The following TMEM117 variants were observed in gnomAD, a reference collection of about 807,000 sequenced individuals.
TMEM117 encodes transmembrane protein 117.
Under a neutral mutation model 52.4 loss-of-function variants are expected in TMEM117, and 27 were observed. The ratio of observed to expected loss-of-function variants is 0.51; its 90% CI spans 0.38 to 0.71. TMEM117 has a LOEUF of 0.71. Among genes scored for constraint, TMEM117 ranks in the 30% least tolerant of loss-of-function variants. The probability of loss-of-function intolerance (pLI) is 0.00; values close to 1 mark genes in which losing one functional copy is unlikely to be tolerated. For missense variants in TMEM117, 556 were observed against 630.5 expected (o/e 0.88, Z 1.26); for synonymous variants, 215 against 206.3 (o/e 1.04, Z -0.36).
intron 1 of TMEM117, among the ~76,000 whole-genome samples, chr12:43,837,553 G>A (rs1403183684): frequency 6.6e-6 from 1 of 152,060 alleles, no homozygotes; most frequent in Non-Finnish European, 1.5e-5. Flanking sequence ...CACCATGTTG[G>A]TCAGGCTGGT....
chr12:43,795,994 T>C, the TMEM117 span, among the ~76,000 whole-genome samples: 2 of 152,298 alleles, frequency 1.3e-5, no homozygotes, highest in African/African-American at 2.4e-5. Context: ...TTAAATAATG[T>C]TTAAAAGTAG....
At chr12:43,922,225 G>A (rs913143713) in intron 2 of TMEM117, among the ~76,000 whole-genome samples, 1 of 151,936 alleles carries the variant, frequency 6.6e-6, no homozygotes, top group African/African-American at 2.4e-5. Context: ...GGTATTAGAA[G>A]GCAATACGCG....
At chr12:44,214,899 C>T (rs1054023074) in intron 5 of TMEM117, among the ~76,000 whole-genome samples, 3 of 152,018 alleles carry the variant, frequency 2.0e-5, no homozygotes, top group Admixed American at 1.3e-4. Context: ...TCATACTTTT[C>T]GCATAAAAGG....
chr12:44,225,144 T>C (rs1040141568), intron 5 of TMEM117, among the ~76,000 whole-genome samples: 5 of 152,160 alleles, frequency 3.3e-5, no homozygotes, highest in Non-Finnish European at 5.9e-5. Flanking sequence ...ACAAAGACTA[T>C]ATGTCAAAGA....
chr12:43,839,540 T>C (rs752979868), intron 1 of TMEM117, among the ~76,000 whole-genome samples: 7 of 152,210 alleles, frequency 4.6e-5, no homozygotes, highest in Non-Finnish European at 7.3e-5. Flanking sequence ...TCTCCCTTCT[T>C]TCATGCCTGT....
At chr12:44,054,348 C>T (rs1049470762) in intron 3 of TMEM117, among the ~76,000 whole-genome samples, 6 of 152,152 alleles carry the variant, frequency 3.9e-5, no homozygotes, top group South Asian at 2.1e-4. Flanking sequence ...ACCTTGGGGT[C>T]GTATTGAGAC....
At chr12:43,873,953 T>C (rs944188560) in intron 2 of TMEM117, among the ~76,000 whole-genome samples, 6 of 152,158 alleles carry the variant, frequency 3.9e-5, no homozygotes, top group Non-Finnish European at 7.4e-5. Flanking sequence ...GCCAGTGAGT[T>C]ATAATTATTT....
intron 2 of TMEM117, among the ~76,000 whole-genome samples, chr12:43,884,615 T>TCTAC (rs1248343081): frequency 3.9e-5 from 6 of 152,206 alleles, no homozygotes; most frequent in African/African-American, 1.4e-4. Flanking sequence ...AGCAACTGTC[T>TCTAC]CTACCATCTT....
intron 6 of TMEM117, among the ~76,000 whole-genome samples, chr12:44,300,641 T>G: frequency 6.6e-6 from 1 of 151,120 alleles, no homozygotes; most frequent in South Asian, 2.1e-4. Context: ...TATTTATTGA[T>G]TTTTTTTAAA....
chr12:44,169,638 A>C (rs185258161), intron 4 of TMEM117, among the ~76,000 whole-genome samples: 1 of 152,184 alleles, frequency 6.6e-6, no homozygotes, highest in Non-Finnish European at 1.5e-5. Context: ...CTTCCATTCC[A>C]TGGTTGCCTT....
chr12:43,873,604 T>TA (rs1223466505), intron 2 of TMEM117, among the ~76,000 whole-genome samples: 1 of 152,102 alleles, frequency 6.6e-6, no homozygotes, highest in East Asian at 1.9e-4. Flanking sequence ...TTTATGTCAT[T>TA]AAAAAAAGAA....
chr12:44,020,491 C>T (rs1946439702), intron 3 of TMEM117, among the ~76,000 whole-genome samples: 1 of 152,192 alleles, frequency 6.6e-6, no homozygotes, highest in Admixed American at 6.6e-5. Context: ...TTTTGTGTCC[C>T]TGGGACATCA....
At chr12:44,155,000 A>G (rs1006992238) in intron 4 of TMEM117, among the ~76,000 whole-genome samples, 1 of 152,094 alleles carries the variant, frequency 6.6e-6, no homozygotes, top group Non-Finnish European at 1.5e-5. Context: ...GCTTATACAA[A>G]TAAATGAGGA....
At chr12:43,866,541 C>G (rs1256904265) in intron 2 of TMEM117, among the ~76,000 whole-genome samples, 1 of 152,102 alleles carries the variant, frequency 6.6e-6, no homozygotes, top group African/African-American at 2.4e-5. Context: ...CATCACTGCA[C>G]TCCAGCCTGG....
At chr12:43,797,985 C>T in the TMEM117 span, 1 of 766,772 alleles carries the variant, frequency 1.3e-6, no homozygotes, top group Non-Finnish European at 2.0e-6. Flanking sequence ...GTCCTGCTAG[C>T]ATTTTGTCAA....
chr12:43,806,496 C>T, the TMEM117 span: 2 of 678,132 alleles, frequency 2.9e-6, no homozygotes, highest in Non-Finnish European at 3.8e-6. Flanking sequence ...TGCTTCTGCT[C>T]TTGCCGCCGC....
intron 3 of TMEM117, among the ~76,000 whole-genome samples, chr12:44,041,816 C>G (rs551829473): frequency 1.3e-5 from 2 of 152,208 alleles, no homozygotes; most frequent in South Asian, 2.1e-4. Flanking sequence ...TTGGTTAATA[C>G]AAATCAATAA....
intron 3 of TMEM117, among the ~76,000 whole-genome samples, chr12:44,130,016 T>C (rs970483666): frequency 2.0e-5 from 3 of 152,182 alleles, no homozygotes; most frequent in African/African-American, 7.2e-5. Context: ...TCTACTTCCT[T>C]TTGTGGCACC....
intron 2 of TMEM117, among the ~76,000 whole-genome samples, chr12:43,866,055 A>G (rs568289390): frequency 6.6e-6 from 1 of 151,984 alleles, no homozygotes; most frequent in Admixed American, 6.5e-5. Context: ...AAGACTTTAT[A>G]ACAGTGTTCA....
Sources: allele counts gnomAD v4.1 joint callset (sites outside exome capture counted in the v4.1 genomes callset), GRCh38; gene constraint gnomAD v4.1.1; transcripts MANE v1.5; gene names NCBI Gene and HGNC (gene_info 2026-07-23, HGNC 2026-07-21).